NDRG4: variants seen among roughly 807,000 people sequenced by gnomAD.
NDRG4 encodes protein NDRG4.
NDRG4 carries 38 observed loss-of-function variants against 55.8 expected under a neutral mutation model. The observed-to-expected ratio is 0.68, with a 90% CI of 0.53 to 0.89. The LOEUF (loss-of-function observed/expected upper bound fraction) is 0.89. NDRG4 is among the 40% of genes least tolerant of loss of function. NDRG4 has a pLI of 0.00. For missense variants in NDRG4, 455 were observed against 468.6 expected, an observed-to-expected ratio of 0.97 and a Z score of 0.27; for synonymous variants, 190 against 182.7, an observed-to-expected ratio of 1.04 and a Z score of -0.32.
Position 58,503,848 on chromosome 16 carries a change from C to T in NDRG4, c.72C>T (p.Gly24=). Residue 24 remains glycine, a synonymous_variant, in exon 2 of 15, where the codon GGC becomes GGT. Coordinates refer to ENST00000570248, the MANE Select transcript of NDRG4 (RefSeq NM_001242835.2). Reference sequence around the variant, plus strand: ...GCCTTCTGCATGTAGTGATCCGGGGCTCCCCCAAGGGGAACCGCCCAGCCA... The same window carrying T: ...GCCTTCTGCATGTAGTGATCCGGGGTTCCCCCAAGGGGAACCGCCCAGCCA... ...PYGLLHVVIR[G]SPKGNRPAIL... is the part of the protein sequence containing the mutation. The T allele has an allele frequency of 6.2e-7, 1 of 1,614,010 alleles. No homozygotes were observed. The highest frequency in any genetic ancestry group is 8.5e-7 in the Non-Finnish European group (1 of 1,179,998).
chr16:58,487,390 T>C (rs6499957), intron 1 of NDRG4, among the ~76,000 whole-genome samples: 108,723 of 151,338 alleles, frequency 0.72, 39,144 homozygotes, highest in South Asian at 0.8. Flanking sequence ...GGTGGTGGTG[T>C]GCACCTGTAA....
At chr16:58,498,669 G>C (rs2036682598), upstream of NDRG4, among the ~76,000 whole-genome samples, 1 of 152,200 alleles carries the variant, frequency 6.6e-6, no homozygotes, top group African/African-American at 2.4e-5. Context: ...TCGGGTATCT[G>C]GGGAGCAGGA....
chr16:58,507,759 C>T, intron 8 of NDRG4, 49 bp from the exon 9 acceptor site: 4 of 1,585,732 alleles, frequency 2.5e-6, no homozygotes, highest in Non-Finnish European at 3.5e-6. Context: ...GCCCCTCATC[C>T]TGTCCTGGGG....
At chr16:58,476,293 T>C (rs2033620250) in intron 1 of NDRG4, among the ~76,000 whole-genome samples, 1 of 152,246 alleles carries the variant, frequency 6.6e-6, no homozygotes, top group African/African-American at 2.4e-5. Context: ...AGTAGGACTC[T>C]TTCACTGGTT....
intron 1 of NDRG4, among the ~76,000 whole-genome samples, chr16:58,473,581 G>C (rs1390990901): frequency 6.6e-6 from 1 of 152,102 alleles, no homozygotes; most frequent in Non-Finnish European, 1.5e-5. Flanking sequence ...AATCATAAAT[G>C]ATAGCTCTAT....
intron 1 of NDRG4, chr16:58,501,560 G>C (rs75752902): frequency 0.023 from 3,652 of 159,904 alleles, 64 homozygotes; most frequent in Non-Finnish European, 0.036. Context: ...TCCAAGGGAC[G>C]GGGATGTTTG....
rs1452079392 is a variant in NDRG4 at position 58,512,665 on chromosome 16, G to C, written c.*1089G>C. 6.4e-6 allele frequency: 1 copy of C among 155,418 alleles called. No homozygotes were observed. The highest frequency in any genetic ancestry group is 1.4e-5 in the Non-Finnish European group (1 of 70,046). 9.6% of individuals were successfully genotyped at this position (155,418 alleles called of 1,614,324 possible). A position where few individuals can be genotyped will look rare whatever the true frequency, so the allele number is the denominator to read the frequency against. ...GGCTGGGGCTTACTGGGGGCTGAAG[G>C]TTCTGGACATGAACAAGGGTCAGGT... On this transcript the variant is annotated 3_prime_UTR_variant, in exon 15 of 15. Coordinates refer to ENST00000570248, the MANE Select transcript of NDRG4 (RefSeq NM_001242835.2).
chr16:58,478,257 C>T lies in NDRG4; in HGVS notation c.-23-9499C>T, dbSNP rs1363664007. 4.6e-5 allele frequency among the ~76,000 whole-genome samples: 7 copies of T among 152,120 alleles called. No individual in the cohort carries two copies. The East Asian group carries it at 5.8e-4, about 13-fold the overall frequency. ...TTCAAAACTTAGCCAGGCATGGTGG[C>T]GGGCACCTGTAATCCCAGCTACTTG... is the stretch of plus-strand genomic sequence containing the variant. On this transcript the variant is annotated intron_variant, in intron 1 of 15. Transcript: ENST00000258187.
chr16:58,489,614 T>C (rs1597181721), intron 2 of NDRG4, among the ~76,000 whole-genome samples: 1 of 152,014 alleles, frequency 6.6e-6, no homozygotes, highest in Non-Finnish European at 1.5e-5. Flanking sequence ...GGTTTGTGTC[T>C]GCCCCGCCCC....
upstream of NDRG4, chr16:58,495,495 G>C (rs987680990): frequency 1.9e-5 from 3 of 158,276 alleles, no homozygotes; most frequent in Admixed American, 1.2e-4. Flanking sequence ...AACCCTGCTG[G>C]GTTCTGGGGC....
At chr16:58,492,918 C>T (rs990042898) in intron 2 of NDRG4, among the ~76,000 whole-genome samples, 2 of 152,142 alleles carry the variant, frequency 1.3e-5, no homozygotes, top group African/African-American at 2.4e-5. Context: ...TCCCTCCTCC[C>T]TGCAGAGCCA....
At chr16:58,471,602 C>A (rs1459541279) in intron 1 of NDRG4, among the ~76,000 whole-genome samples, 1 of 152,180 alleles carries the variant, frequency 6.6e-6, no homozygotes, top group Non-Finnish European at 1.5e-5. Context: ...AAGCTGTCAT[C>A]ATACACCACC....
intron 1 of NDRG4, among the ~76,000 whole-genome samples, chr16:58,480,630 C>T (rs1399647630): frequency 6.6e-6 from 1 of 152,224 alleles, no homozygotes; most frequent in Non-Finnish European, 1.5e-5. Flanking sequence ...GTGGACAGGT[C>T]AGCCGTGGAG....
In NDRG4 at chr16:58,464,832, A is replaced by G. The variant is rs2031260332; in HGVS notation, c.-24+1035A>G. The stretch of plus-strand genomic sequence containing the variant: ...GTGGGCTTCTGGCAGGACCCGCGCC[A>G]TGGACCTCTTATTTCTGCGCCCTGT... On this transcript the variant is annotated intron_variant, in intron 1 of 15. Transcript: ENST00000258187. This position sits in a 1 kb window ranked among gnomAD's most constrained non-coding sequence, Gnocchi z 4.8. 5 of 1,242,394 alleles carry G rather than the reference A, an allele frequency of 4.0e-6. No individual in the cohort carries two copies. Among genetic ancestry groups the G allele is most frequent in the South Asian group, 3.7e-5 (2 of 54,200 alleles). 77.0% of individuals were successfully genotyped at this position (1,242,394 alleles called of 1,614,324 possible).
intron 2 of NDRG4, chr16:58,494,887 G>T: frequency 3.6e-5 from 41 of 1,128,366 alleles, no homozygotes; most frequent in Non-Finnish European, 4.9e-5. Flanking sequence ...GACAGAAATT[G>T]AGTCTGCTAA....
At chr16:58,507,140 C>T (rs1304944193) in intron 8 of NDRG4, 125 bp downstream of exon 8, 2 of 733,424 alleles carry the variant, frequency 2.7e-6, no homozygotes, top group East Asian at 2.7e-5. Context: ...CGATATTGGG[C>T]CTCAAAGGAG....
Position 58,512,515 on chromosome 16 carries a change from C to T in NDRG4, c.*939C>T. The stretch of plus-strand genomic sequence containing the variant: ...CGCCATCAGTAGCAGTGTGGTGTTT[C>T]AGGCAGAGCTCTGGCCAGGCTGTGC... On this transcript the variant is annotated 3_prime_UTR_variant, in exon 15 of 15. Transcript: ENST00000570248. The T allele has an allele frequency of 4.4e-6, 1 of 225,950 alleles. No individual in the cohort carries two copies. The highest frequency in any genetic ancestry group is 5.1e-5 in the South Asian group (1 of 19,552). The allele number at this position is 225,950 out of a possible 1,614,324, so 14.0% of individuals were successfully genotyped here.
At chr16:58,501,227 C>A (rs1049559289) in intron 1 of NDRG4, 1 of 420,054 alleles carries the variant, frequency 2.4e-6, no homozygotes, top group South Asian at 1.3e-4. Flanking sequence ...CCCGCCCATG[C>A]AGACCCTGTC....
At chr16:58,505,103 A>T (rs899891558) in intron 5 of NDRG4, among the ~76,000 whole-genome samples, 3 of 152,204 alleles carry the variant, frequency 2.0e-5, no homozygotes, top group Non-Finnish European at 4.4e-5. Context: ...TAATCCCAGC[A>T]CTTTGGGAGG....
Sources: allele counts gnomAD v4.1 joint callset (sites outside exome capture counted in the v4.1 genomes callset), GRCh38; gene constraint gnomAD v4.1.1; non-coding constraint Gnocchi (gnomAD v3.1); transcripts MANE v1.5; gene names NCBI Gene and HGNC (gene_info 2026-07-23, HGNC 2026-07-21).